Variants in MAP4 observed in about 807,000 individuals in gnomAD.
MAP4 encodes microtubule associated protein 4.
Under a neutral mutation model 170.2 loss-of-function variants are expected in MAP4, and 76 were observed. The observed-to-expected ratio is 0.45, with a 90% CI of 0.37 to 0.54. The LOEUF is 0.54. MAP4 is among the 20% of genes least tolerant of loss of function. The pLI is 0.00. For missense variants in MAP4, 2,506 were observed against 2,748.0 expected, an observed-to-expected ratio of 0.91 and a Z score of 1.97; for synonymous variants, 909 against 994.5, an observed-to-expected ratio of 0.91 and a Z score of 1.62.
At chr3:47,979,843 G>A (rs1024952213) in intron 2 of MAP4, among the ~76,000 whole-genome samples, 5 of 151,666 alleles carry the variant, frequency 3.3e-5, no homozygotes, top group Admixed American at 6.6e-5. Context: ...TTGTTTTTTC[G>A]AGACAGGGTC....
chr3:47,987,821 A>G (rs1396577679), intron 2 of MAP4, among the ~76,000 whole-genome samples: 2 of 152,198 alleles, frequency 1.3e-5, no homozygotes, highest in African/African-American at 4.8e-5. Flanking sequence ...GGGGTCATGC[A>G]TATGTTAAAG....
chr3:47,925,297 G>A (rs2100045190), intron 4 of MAP4, among the ~76,000 whole-genome samples: 1 of 152,144 alleles, frequency 6.6e-6, no homozygotes, highest in African/African-American at 2.4e-5. Context: ...ACTTTCCGCT[G>A]AGGAAATTAA....
Position 47,852,032 on chromosome 3 carries a change from T to C in MAP4, c.*902A>G, listed in dbSNP as rs1352261433. ...AATGGCAAAACCAACCAGTCCACGCTCCAAGGGCCCCTTGTGTGCCTGACC... is the reference window on the plus strand; with the variant it reads ...AATGGCAAAACCAACCAGTCCACGCCCCAAGGGCCCCTTGTGTGCCTGACC... On this transcript the variant is annotated 3_prime_UTR_variant, in exon 21 of 21. Coordinates refer to ENST00000683076, the MANE Select transcript of MAP4 (RefSeq NM_001385682.1). 1.3e-5 allele frequency: 2 copies of C among 152,454 alleles called. No homozygotes were observed. The highest frequency in any genetic ancestry group is 4.8e-5 in the African/African-American group (2 of 41,432). The allele number at this position is 152,454 out of a possible 1,614,324, so 9.4% of individuals were successfully genotyped here.
intron 1 of MAP4, among the ~76,000 whole-genome samples, chr3:48,070,671 A>C (rs1221611832): frequency 6.6e-6 from 1 of 151,630 alleles, no homozygotes; most frequent in Non-Finnish European, 1.5e-5. Flanking sequence ...CCACCAATAC[A>C]TTCTTTTAAA....
intron 10 of MAP4, chr3:47,892,010 G>A: frequency 6.5e-7 from 1 of 1,536,304 alleles, no homozygotes; most frequent in African/African-American, 1.4e-5. Flanking sequence ...ATCCAGATCT[G>A]ACTGGCTCTT....
chr3:47,869,512 A>G (rs1234561465), intron 15 of MAP4, among the ~76,000 whole-genome samples, 185 bp from the exon 16 acceptor site: 1 of 152,146 alleles, frequency 6.6e-6, no homozygotes, highest in Non-Finnish European at 1.5e-5. Context: ...CCTTGAGTAG[A>G]GGACCACAAA....
chr3:48,074,676 T>TTTTTTTTGTGTGTGTGTGTG (rs746281743), intron 1 of MAP4, among the ~76,000 whole-genome samples: 1 of 90,640 alleles, frequency 1.1e-5, no homozygotes, highest in African/African-American at 4.9e-5. Flanking sequence ...ATCCAGCTAA[T>TTTTTTTTGTGTGTGTGTGTG]TGTGTGTGTG....
chr3:48,064,263 G>GC (rs2100137345), intron 1 of MAP4, among the ~76,000 whole-genome samples: 1 of 152,136 alleles, frequency 6.6e-6, no homozygotes, highest in Non-Finnish European at 1.5e-5. Context: ...GATCGTGTTT[G>GC]AGATATTTTG....
At chr3:47,983,799 G>A (rs573898212) in intron 2 of MAP4, among the ~76,000 whole-genome samples, 6 of 152,218 alleles carry the variant, frequency 3.9e-5, no homozygotes, top group African/African-American at 7.2e-5. Context: ...GACTACAGGC[G>A]TGAGCCACCA....
intron 2 of MAP4, among the ~76,000 whole-genome samples, chr3:47,984,390 T>C (rs1336509165): frequency 1.3e-5 from 2 of 152,236 alleles, no homozygotes; most frequent in Admixed American, 1.3e-4. Flanking sequence ...ACATTTCAAC[T>C]GGCTTGGAAA....
intron 10 of MAP4, among the ~76,000 whole-genome samples, chr3:47,898,501 A>G (rs1269482632): frequency 7.3e-6 from 1 of 136,686 alleles, no homozygotes; most frequent in Non-Finnish European, 1.6e-5. Flanking sequence ...ACTCCGCCTC[A>G]AAAAAAAAAA....
chr3:48,043,217 C>T (rs946933936), intron 1 of MAP4, among the ~76,000 whole-genome samples: 8 of 152,184 alleles, frequency 5.3e-5, no homozygotes, highest in African/African-American at 1.4e-4. Context: ...TCTTGTGCCT[C>T]AGCCTCCCAA....
Position 47,909,239 on chromosome 3 carries a change from C to A in MAP4, c.5182G>T (p.Asp1728Tyr), listed in dbSNP as rs2100034694. 2 of 1,613,774 alleles carry A rather than the reference C, an allele frequency of 1.2e-6. No homozygotes were observed. The highest frequency in any genetic ancestry group is 1.7e-6 in the Non-Finnish European group (2 of 1,179,852). The change falls in exon 9 of 21, where the codon GAT becomes TAT. Residue 1728 changes from aspartate to tyrosine, a missense_variant. Physicochemically the swap from Asp to Tyr is radical, Grantham distance 160. Around this residue, in one of 3 missense-constraint regions of MAP4, gnomAD observed 2,008 missense variants for 2,206.0 expected, o/e 0.91. Transcript: ENST00000683076. Reference sequence around the variant, plus strand: ...TTCTGAGGTGTCTCCAAAATCTTATCTTTGGGTTCTGGGAGTCGAACACCC... The same window carrying A: ...TTCTGAGGTGTCTCCAAAATCTTATATTTGGGTTCTGGGAGTCGAACACCC... ...SKGVRLPEPKDKILETPQKMT... is the reference protein window; with the variant it reads ...SKGVRLPEPKYKILETPQKMT...
intron 1 of MAP4, among the ~76,000 whole-genome samples, chr3:48,079,949 C>CAA (rs535174502): frequency 3.6e-5 from 4 of 110,826 alleles, no homozygotes; most frequent in African/African-American, 8.9e-5. Flanking sequence ...GACTCCGTCT[C>CAA]AAAAAAAAAA....
chr3:48,038,433 T>C (rs2154528603), intron 1 of MAP4, among the ~76,000 whole-genome samples: 1 of 150,428 alleles, frequency 6.6e-6, no homozygotes, highest in Admixed American at 6.6e-5. Flanking sequence ...TCAATACTCA[T>C]CCATACTATG....
rs1345241070 is a variant in MAP4, at chr3:47,855,853, C to A, written c.6584-493G>T. 6.6e-6 allele frequency among the ~76,000 whole-genome samples: 1 copy of A among 152,228 alleles called. No individual in the cohort carries two copies. Among genetic ancestry groups the A allele is most frequent in the African/African-American group, 2.4e-5 (1 of 41,456 alleles). On this transcript the variant is annotated intron_variant, in intron 18 of 20. Coordinates refer to ENST00000683076, the MANE Select transcript of MAP4 (RefSeq NM_001385682.1). The surrounding 1 kb of genome is among the most constrained non-coding windows in gnomAD (Gnocchi z 5.1). ...AGAAGGGACTCACCCAGAGTTACCACCAATCTGCTGATTGACAGTGACAGG... is the reference window on the plus strand; with the variant it reads ...AGAAGGGACTCACCCAGAGTTACCAACAATCTGCTGATTGACAGTGACAGG...
intron 2 of MAP4, among the ~76,000 whole-genome samples, chr3:47,978,212 A>G (rs1353339891): frequency 6.6e-6 from 1 of 152,192 alleles, no homozygotes; most frequent in Non-Finnish European, 1.5e-5. Flanking sequence ...TAAATTATCA[A>G]AGATTACCAT....
chr3:47,943,676 A>G (rs2100057931), intron 3 of MAP4, among the ~76,000 whole-genome samples: 1 of 152,032 alleles, frequency 6.6e-6, no homozygotes, highest in African/African-American at 2.4e-5. Context: ...ATGATATTTG[A>G]CATCCCTACA....
intron 1 of MAP4, among the ~76,000 whole-genome samples, chr3:48,071,267 C>G (rs974654264): frequency 4.0e-5 from 6 of 151,878 alleles, no homozygotes; most frequent in Non-Finnish European, 7.4e-5. Context: ...GAGGGCCAGG[C>G]ACGGTGGCTC....
Sources: allele counts gnomAD v4.1 joint callset (sites outside exome capture counted in the v4.1 genomes callset), GRCh38; gene constraint gnomAD v4.1.1; regional missense constraint gnomAD v4.1.1; non-coding constraint Gnocchi (gnomAD v3.1); transcripts MANE v1.5; gene names NCBI Gene and HGNC (gene_info 2026-07-23, HGNC 2026-07-21).